CDH13: variants seen among roughly 807,000 people sequenced by gnomAD.
The protein encoded by CDH13 is cadherin 13.
A neutral mutation model predicts 63.8 loss-of-function variants in CDH13; 24 were observed. The ratio of observed to expected loss-of-function variants is 0.38; its 90% CI spans 0.27 to 0.53. The LOEUF (loss-of-function observed/expected upper bound fraction) is 0.53, where lower values mean the gene tolerates loss of function less well. Among genes scored for constraint, CDH13 ranks in the 20% least tolerant of loss-of-function variants. CDH13 has a pLI of 0.85. For missense variants in CDH13, 1,049 were observed against 903.1 expected (o/e 1.16, Z -2.07); for synonymous variants, 503 against 355.3 (o/e 1.42, Z -4.67).
At chr16:83,014,471 T>C (rs1421381922) in intron 2 of CDH13, among the ~76,000 whole-genome samples, 1 of 151,770 alleles carries the variant, frequency 6.6e-6, no homozygotes, top group Non-Finnish European at 1.5e-5. Flanking sequence ...TGGTGGCTTA[T>C]GCCTGTAATC....
At chr16:83,056,075 C>G (rs114761719) in intron 3 of CDH13, among the ~76,000 whole-genome samples, 1 of 152,150 alleles carries the variant, frequency 6.6e-6, no homozygotes, top group African/African-American at 2.4e-5. Flanking sequence ...AAGAGGATAT[C>G]TACATGACCA....
chr16:82,706,171 C>T (rs953762562), intron 1 of CDH13, among the ~76,000 whole-genome samples: 1 of 151,798 alleles, frequency 6.6e-6, no homozygotes, highest in Non-Finnish European at 1.5e-5. Context: ...CCCTTTTTCG[C>T]TCCCTCTTTC....
At chr16:83,504,434 GCCA>G (rs2074351520) in intron 7 of CDH13, among the ~76,000 whole-genome samples, 1 of 152,220 alleles carries the variant, frequency 6.6e-6, no homozygotes, top group Admixed American at 6.5e-5. Flanking sequence ...AAGGGTTAAT[GCCA>G]CCAGAAGACA....
intron 6 of CDH13, among the ~76,000 whole-genome samples, chr16:83,423,982 G>GA: frequency 6.6e-6 from 1 of 152,332 alleles, no homozygotes; most frequent in Non-Finnish European, 1.5e-5. Context: ...CTTCACCTGG[G>GA]AAACCAGTCT....
At chr16:82,935,530 G>T (rs1459240116) in intron 2 of CDH13, among the ~76,000 whole-genome samples, 1 of 152,104 alleles carries the variant, frequency 6.6e-6, no homozygotes, top group African/African-American at 2.4e-5. Flanking sequence ...TCCTAGCATT[G>T]GGGTTTAAAG....
intron 6 of CDH13, 142 bp downstream of exon 6, chr16:83,345,148 C>A: frequency 1.1e-6 from 1 of 922,560 alleles, no homozygotes; most frequent in Non-Finnish European, 1.6e-6. Context: ...TGCGTAGAAG[C>A]CAGGTTGGAA....
chr16:82,800,282 T>C (rs1193350225), intron 1 of CDH13, among the ~76,000 whole-genome samples: 1 of 152,148 alleles, frequency 6.6e-6, no homozygotes, highest in Admixed American at 6.5e-5. Flanking sequence ...ATTCAGTAGG[T>C]TAGGTCTCCT....
At chr16:83,504,403 T>C (rs2074350928) in intron 7 of CDH13, among the ~76,000 whole-genome samples, 1 of 152,184 alleles carries the variant, frequency 6.6e-6, no homozygotes, top group Non-Finnish European at 1.5e-5. Flanking sequence ...ACACAGCAAC[T>C]TTCCTATGAA....
At chr16:82,707,703 C>G (rs1280496899) in intron 1 of CDH13, among the ~76,000 whole-genome samples, 2 of 152,124 alleles carry the variant, frequency 1.3e-5, no homozygotes, top group Non-Finnish European at 2.9e-5. Flanking sequence ...AGCTTGATGT[C>G]TCTGTTTTCA....
intron 2 of CDH13, among the ~76,000 whole-genome samples, chr16:83,015,830 C>T (rs964498671): frequency 6.6e-6 from 1 of 150,414 alleles, no homozygotes. Context: ...CAGTAATGTA[C>T]TTGAGATCCC....
chr16:82,640,666 A>T (rs1476058677), intron 1 of CDH13, among the ~76,000 whole-genome samples: 1 of 152,202 alleles, frequency 6.6e-6, no homozygotes, highest in Non-Finnish European at 1.5e-5. Context: ...TAAGACAGGG[A>T]TAGGGCAGAG....
chr16:82,775,029 C>G (rs2035432437), intron 1 of CDH13, among the ~76,000 whole-genome samples: 1 of 152,194 alleles, frequency 6.6e-6, no homozygotes, highest in African/African-American at 2.4e-5. Context: ...GCCCTAGAGA[C>G]TGTAATCCTC....
At chr16:83,139,700 AAAT>A (rs1313686052) in intron 4 of CDH13, among the ~76,000 whole-genome samples, 1 of 152,180 alleles carries the variant, frequency 6.6e-6, no homozygotes, top group Non-Finnish European at 1.5e-5. Context: ...ACACATTGAA[AAAT>A]AATAATATAA....
intron 1 of CDH13, among the ~76,000 whole-genome samples, chr16:82,740,004 C>T (rs547688369): frequency 1.3e-5 from 2 of 152,280 alleles, no homozygotes; most frequent in South Asian, 2.1e-4. Flanking sequence ...CAAAATACCA[C>T]CTAATAGACC....
At chr16:83,323,642 G>A (rs1188451762) in intron 5 of CDH13, among the ~76,000 whole-genome samples, 1 of 152,064 alleles carries the variant, frequency 6.6e-6, no homozygotes, top group Non-Finnish European at 1.5e-5. Flanking sequence ...AAAAAATAAA[G>A]CAAAACAAAC....
chr16:83,111,507 T>C (rs9938224), intron 3 of CDH13, among the ~76,000 whole-genome samples: 115 of 152,298 alleles, frequency 7.6e-4, no homozygotes, highest in African/African-American at 2.6e-3. Flanking sequence ...GATCATGAGG[T>C]TGCAGCATAC....
intron 2 of CDH13, among the ~76,000 whole-genome samples, chr16:82,956,548 C>T (rs1906134995): frequency 6.6e-6 from 1 of 152,168 alleles, no homozygotes; most frequent in South Asian, 2.1e-4. Context: ...TCCTGCCACA[C>T]CCTTTGGAAC....
chr16:83,300,343 C>T (rs1036870069), intron 5 of CDH13, among the ~76,000 whole-genome samples: 1 of 152,214 alleles, frequency 6.6e-6, no homozygotes, highest in Non-Finnish European at 1.5e-5. Context: ...TTTACATTTG[C>T]TAAATGTGTA....
intron 8 of CDH13, among the ~76,000 whole-genome samples, chr16:83,656,321 A>T (rs142189224): frequency 1.3e-5 from 2 of 152,314 alleles, no homozygotes; most frequent in Non-Finnish European, 2.9e-5. Context: ...GAAGGGGGAA[A>T]GATGAGATTT....
Sources: gnomAD v4.1 joint callset for allele counts (sites outside exome capture counted in the v4.1 genomes callset) on GRCh38, gnomAD v4.1.1 for gene constraint, MANE v1.5 for transcripts, NCBI Gene and HGNC (gene_info 2026-07-23, HGNC 2026-07-21) for gene names.